The following GAB1 variants were observed in gnomAD, a reference collection of about 807,000 sequenced individuals.
GAB1 encodes GRB2-associated-binding protein 1.
GAB1 carries 19 observed loss-of-function variants against 66.5 expected under a neutral mutation model. The observed-to-expected ratio is 0.29, with a 90% CI of 0.20 to 0.42. The LOEUF (loss-of-function observed/expected upper bound fraction) is 0.42, where lower values mean the gene tolerates loss of function less well. Among genes scored for constraint, GAB1 ranks in the 10% least tolerant of loss-of-function variants. The probability of loss-of-function intolerance (pLI) is 1.00; values close to 1 mark genes in which losing one functional copy is unlikely to be tolerated. For synonymous variants in GAB1, 294 were observed against 301.4 expected, an observed-to-expected ratio of 0.98 and a Z score of 0.25; for missense variants, 732 against 858.5, an observed-to-expected ratio of 0.85 and a Z score of 1.84.
chr4:143,362,699 C>A (rs1729714265), intron 1 of GAB1, among the ~76,000 whole-genome samples: 1 of 152,220 alleles, frequency 6.6e-6, no homozygotes, highest in Non-Finnish European at 1.5e-5. Context: ...GACCAGAGCT[C>A]ACTTTCATAA....
At chr4:143,397,665 A>G (rs1326930116) in intron 1 of GAB1, among the ~76,000 whole-genome samples, 2 of 152,240 alleles carry the variant, frequency 1.3e-5, no homozygotes, top group Non-Finnish European at 2.9e-5. Context: ...TACCCTCTAT[A>G]AATACTTTGG....
chr4:143,442,895 C>T (rs184609536), intron 6 of GAB1, among the ~76,000 whole-genome samples: 1 of 151,820 alleles, frequency 6.6e-6, no homozygotes, highest in African/African-American at 2.4e-5. Flanking sequence ...AAAAGAGCAC[C>T]CAGATTGAAA....
chr4:143,427,542 A>C (rs998367041), intron 2 of GAB1, among the ~76,000 whole-genome samples: 8 of 152,060 alleles, frequency 5.3e-5, no homozygotes, highest in African/African-American at 1.9e-4. Context: ...TGGTAAAAAA[A>C]AAAAACAACA....
chr4:143,452,843 A>T (rs532146093), intron 6 of GAB1, among the ~76,000 whole-genome samples: 2 of 152,358 alleles, frequency 1.3e-5, no homozygotes, highest in South Asian at 4.1e-4. Context: ...GGACTTAAAC[A>T]TTCAGGCTCA....
chr4:143,353,981 C>T (rs146856285), intron 1 of GAB1, among the ~76,000 whole-genome samples: 37 of 152,306 alleles, frequency 2.4e-4, no homozygotes, highest in African/African-American at 7.9e-4. Flanking sequence ...TACGAAGTGT[C>T]TACCACACCC....
chr4:143,436,659 C>CTG (rs1264646724), intron 3 of GAB1, among the ~76,000 whole-genome samples: 7 of 152,104 alleles, frequency 4.6e-5, no homozygotes, highest in African/African-American at 1.7e-4. Context: ...AGGAATCAAG[C>CTG]TGATTGAGTT....
chr4:143,349,698 C>G (rs1048352545), intron 1 of GAB1: 2 of 1,556,000 alleles, frequency 1.3e-6, no homozygotes, highest in Non-Finnish European at 1.7e-6. Context: ...GGATGATGGC[C>G]CCACAGATGG....
rs35559967 is a variant in GAB1 at position 143,423,792 on chromosome 4, GTATATATATATATATATATATATATATA to G, written c.367+8039_367+8066del. ...CTCCATCTCAAAAAAAAAAAAAAGT[GTATATATATATATATATATATATATATA>G]TATATATATATATATATGTCTTCAC... On this transcript the variant is annotated intron_variant, in intron 2 of 9. Transcript: ENST00000262994. 6.3e-4 allele frequency among the ~76,000 whole-genome samples: 43 copies of G among 67,764 alleles called. 1 individual carries two copies. The highest frequency in any genetic ancestry group is 8.8e-4 in the Admixed American group (3 of 3,408). The allele number at this position is 67,764 out of a possible 152,430, so 44.5% of individuals were successfully genotyped here.
chr4:143,380,159 GT>G (rs532200082), intron 1 of GAB1, among the ~76,000 whole-genome samples: 1 of 151,238 alleles, frequency 6.6e-6, no homozygotes, highest in African/African-American at 2.4e-5. Context: ...ATGGGCCTCA[GT>G]TTTTTTATTC....
At chr4:143,349,654 C>G in intron 1 of GAB1, 1 of 1,484,814 alleles carries the variant, frequency 6.7e-7, no homozygotes, top group South Asian at 1.2e-5. Context: ...CCCCCAGTAG[C>G]CTCTGTGCAC....
chr4:143,445,543 G>C (rs771033769), intron 6 of GAB1, among the ~76,000 whole-genome samples: 6 of 152,066 alleles, frequency 3.9e-5, no homozygotes, highest in African/African-American at 7.2e-5. Flanking sequence ...TAGGTTGACT[G>C]TTTACTCTGT....
At chr4:143,344,456 C>G (rs1728926622) in intron 1 of GAB1, among the ~76,000 whole-genome samples, 1 of 152,238 alleles carries the variant, frequency 6.6e-6, no homozygotes. Flanking sequence ...TTATCTCAGT[C>G]TGCCAACTAA....
chr4:143,337,313 C>T, intron 1 of GAB1, 53 bp downstream of exon 1: 1 of 1,472,330 alleles, frequency 6.8e-7, no homozygotes, highest in South Asian at 1.2e-5. Context: ...ACACCCCTCC[C>T]CAGTCGGCTC....
At chr4:143,431,144 C>A (rs1388936915) in intron 2 of GAB1, among the ~76,000 whole-genome samples, 1 of 152,114 alleles carries the variant, frequency 6.6e-6, no homozygotes, top group Non-Finnish European at 1.5e-5. Context: ...AATCCAGTAA[C>A]CACAAGATTT....
chr4:143,457,735 A>G (rs747598529), intron 6 of GAB1: 4 of 1,581,106 alleles, frequency 2.5e-6, no homozygotes, highest in Non-Finnish European at 2.6e-6. Flanking sequence ...GAACTGATTC[A>G]CAAACCATAG....
rs948782015 is a variant in GAB1 at position 143,470,617 on chromosome 4, A to G, written c.*1428A>G. On this transcript the variant is annotated 3_prime_UTR_variant, in exon 10 of 10. Coordinates refer to ENST00000262994, the MANE Select transcript of GAB1 (RefSeq NM_002039.4). ...TTGCAACATAATTTAGAAAGCACGT[A>G]TAGTTGTTTTTTAACCAAGTTACAT... is the stretch of plus-strand genomic sequence containing the variant. 1.3e-5 allele frequency: 2 copies of G among 152,242 alleles called. No homozygotes were observed. The highest frequency in any genetic ancestry group is 1.3e-4 in the Admixed American group (2 of 15,282). The allele number at this position is 152,242 out of a possible 1,614,324, so 9.4% of individuals were successfully genotyped here.
In GAB1 at chr4:143,469,408, T is replaced by G. The variant is rs956163120; in HGVS notation, c.*219T>G. On this transcript the variant is annotated 3_prime_UTR_variant, in exon 10 of 10. Coordinates refer to ENST00000262994, the MANE Select transcript of GAB1 (RefSeq NM_002039.4). Reference sequence around the variant, plus strand: ...TAAATAATGTGGGAAAATAGTATTGTTTAGCTCCCAGAGAAACATTTGTTC... The same window carrying G: ...TAAATAATGTGGGAAAATAGTATTGGTTAGCTCCCAGAGAAACATTTGTTC... 2.7e-5 allele frequency: 13 copies of G among 477,354 alleles called. No homozygotes were observed. Among genetic ancestry groups the G allele is most frequent in the African/African-American group, 2.5e-4 (13 of 52,200 alleles). The allele number at this position is 477,354 out of a possible 1,614,324, so 29.6% of individuals were successfully genotyped here. A position where few individuals can be genotyped will look rare whatever the true frequency, so the allele number is the denominator to read the frequency against.
At chr4:143,369,230 C>T (rs754858412) in intron 1 of GAB1, among the ~76,000 whole-genome samples, 2 of 152,044 alleles carry the variant, frequency 1.3e-5, no homozygotes, top group South Asian at 2.1e-4. Flanking sequence ...TATGAGCCAC[C>T]GCACCCGGCC....
intron 6 of GAB1, among the ~76,000 whole-genome samples, chr4:143,448,821 C>T (rs1426416652): frequency 1.3e-5 from 2 of 150,398 alleles, no homozygotes; most frequent in African/African-American, 2.5e-5. Context: ...TTATTTCTTG[C>T]CTTCTGCTAG....
Sources: gnomAD v4.1 joint callset for allele counts (sites outside exome capture counted in the v4.1 genomes callset) on GRCh38, gnomAD v4.1.1 for gene constraint, MANE v1.5 for transcripts, NCBI Gene and HGNC (gene_info 2026-07-23, HGNC 2026-07-21) for gene names.